Variants in PRKG1 observed in about 807,000 individuals in gnomAD.
PRKG1 encodes cGMP-dependent protein kinase 1.
A neutral mutation model predicts 88.1 loss-of-function variants in PRKG1; 35 were observed. That is an observed-to-expected ratio of 0.40 (90% CI 0.30 to 0.53). The LOEUF is 0.53. Ranked by LOEUF, PRKG1 falls within the 20% of genes least tolerant of loss-of-function variation. The pLI, the probability that PRKG1 is intolerant of heterozygous loss-of-function variation, is 0.59. For synonymous variants in PRKG1, 303 were observed against 292.5 expected, an observed-to-expected ratio of 1.04 and a Z score of -0.37; for missense variants, 540 against 839.8, an observed-to-expected ratio of 0.64 and a Z score of 4.41.
intron 3 of PRKG1, among the ~76,000 whole-genome samples, chr10:51,517,541 T>C (rs936296847): frequency 3.3e-5 from 5 of 152,198 alleles, no homozygotes; most frequent in African/African-American, 1.2e-4. Context: ...TTCCCCAAGA[T>C]TGACAAGACA....
At chr10:52,020,634 C>G (rs1261691092) in intron 5 of PRKG1, among the ~76,000 whole-genome samples, 2 of 152,158 alleles carry the variant, frequency 1.3e-5, no homozygotes, top group South Asian at 2.1e-4. Context: ...ATGGGCTGGC[C>G]CCTTTCCCAT....
chr10:51,514,855 A>G (rs1334100232), intron 3 of PRKG1, among the ~76,000 whole-genome samples: 1 of 152,214 alleles, frequency 6.6e-6, no homozygotes, highest in African/African-American at 2.4e-5. Context: ...AAGTCTAGGC[A>G]CTGCAGACTT....
At chr10:51,177,794 T>C (rs1837235535) in intron 2 of PRKG1, among the ~76,000 whole-genome samples, 1 of 152,008 alleles carries the variant, frequency 6.6e-6, no homozygotes, top group African/African-American at 2.4e-5. Flanking sequence ...AAATTTAACC[T>C]AATTAATGTG....
intron 3 of PRKG1, among the ~76,000 whole-genome samples, chr10:51,627,946 C>CCT (rs1839389453): frequency 6.7e-5 from 1 of 15,000 alleles, no homozygotes; most frequent in Non-Finnish European, 2.0e-4. Context: ...TCCTTCCTTT[C>CCT]TTTCTTTCTT....
intron 2 of PRKG1, among the ~76,000 whole-genome samples, chr10:51,251,411 T>A (rs1839424342): frequency 6.6e-6 from 1 of 151,820 alleles, no homozygotes; most frequent in African/African-American, 2.4e-5. Context: ...CTTGGAAGGA[T>A]ATGTGTAATT....
At chr10:51,281,515 C>T (rs926916820) in intron 2 of PRKG1, among the ~76,000 whole-genome samples, 7 of 152,136 alleles carry the variant, frequency 4.6e-5, no homozygotes, top group African/African-American at 7.2e-5. Context: ...GAGGGGTGCC[C>T]GCCATTGCTC....
chr10:52,285,554 T>C (rs1049915573), intron 14 of PRKG1, among the ~76,000 whole-genome samples: 3 of 152,160 alleles, frequency 2.0e-5, no homozygotes, highest in African/African-American at 7.2e-5. Flanking sequence ...TCAATGTTTT[T>C]CTTATTTTAA....
chr10:51,553,296 C>T (rs1469615303), intron 3 of PRKG1, among the ~76,000 whole-genome samples: 1 of 151,538 alleles, frequency 6.6e-6, no homozygotes, highest in Non-Finnish European at 1.5e-5. Context: ...ATTCTTTTGC[C>T]GTGACAGAAA....
chr10:52,190,650 G>C (rs1839337346), intron 9 of PRKG1, among the ~76,000 whole-genome samples: 1 of 152,150 alleles, frequency 6.6e-6, no homozygotes, highest in Non-Finnish European at 1.5e-5. Flanking sequence ...GATTAACTCT[G>C]ACTACCAGAT....
intron 1 of PRKG1, among the ~76,000 whole-genome samples, chr10:51,113,949 G>A (rs1845041884): frequency 2.5e-5 from 2 of 79,068 alleles, no homozygotes; most frequent in South Asian, 3.1e-4. Context: ...GTAAACGTGT[G>A]TGTGTGTGTG....
intron 3 of PRKG1, among the ~76,000 whole-genome samples, chr10:51,569,912 C>T (rs1837702247): frequency 6.6e-6 from 1 of 151,772 alleles, no homozygotes; most frequent in African/African-American, 2.4e-5. Flanking sequence ...TCTACTACAA[C>T]TCATTTTACT....
chr10:51,082,183 C>G (rs906238185), intron 1 of PRKG1, among the ~76,000 whole-genome samples: 1 of 152,188 alleles, frequency 6.6e-6, no homozygotes, highest in African/African-American at 2.4e-5. Context: ...CACAGTCACA[C>G]TAGGTTGAGC....
chr10:51,645,168 A>G (rs964196448), intron 3 of PRKG1, among the ~76,000 whole-genome samples: 2 of 152,084 alleles, frequency 1.3e-5, no homozygotes, highest in African/African-American at 4.8e-5. Flanking sequence ...GAGTTTTTAA[A>G]CATGTTTATC....
At chr10:51,368,228 T>C (rs1842629469) in intron 2 of PRKG1, among the ~76,000 whole-genome samples, 1 of 152,062 alleles carries the variant, frequency 6.6e-6, no homozygotes, top group African/African-American at 2.4e-5. Context: ...TAGGTTACTA[T>C]GTTATTTGAA....
chr10:51,186,954 T>TTA (rs3061211), intron 2 of PRKG1, among the ~76,000 whole-genome samples: 2,225 of 130,894 alleles, frequency 0.017, 66 homozygotes, highest in African/African-American at 0.06. Context: ...AGGCCCTGTG[T>TTA]TATATATATA....
At chr10:51,401,285 T>A (rs1221805615) in intron 2 of PRKG1, among the ~76,000 whole-genome samples, 1 of 152,222 alleles carries the variant, frequency 6.6e-6, no homozygotes, top group East Asian at 1.9e-4. Context: ...AATAGCCACA[T>A]ATCAGGTGCT....
At chr10:51,877,701 G>T (rs1479709367) in intron 4 of PRKG1, among the ~76,000 whole-genome samples, 1 of 152,088 alleles carries the variant, frequency 6.6e-6, no homozygotes, top group Admixed American at 6.6e-5. Context: ...ATTTCAAAAA[G>T]ATTACACCAA....
intron 2 of PRKG1, among the ~76,000 whole-genome samples, chr10:51,195,459 T>G (rs2132047066): frequency 6.6e-6 from 1 of 152,340 alleles, no homozygotes; most frequent in Non-Finnish European, 1.5e-5. Context: ...AGTGTCACAT[T>G]CTGACAACTT....
At chr10:51,510,437 T>C (rs988939870) in intron 3 of PRKG1, among the ~76,000 whole-genome samples, 1 of 152,154 alleles carries the variant, frequency 6.6e-6, no homozygotes, top group Non-Finnish European at 1.5e-5. Context: ...GCGAGTCATA[T>C]GAAATGTTGC....
Sources: allele counts gnomAD v4.1 joint callset (sites outside exome capture counted in the v4.1 genomes callset), GRCh38; gene constraint gnomAD v4.1.1; transcripts MANE v1.5; gene names NCBI Gene and HGNC (gene_info 2026-07-23, HGNC 2026-07-21).